The following RSPH1 variants were observed in gnomAD, a reference collection of about 807,000 sequenced individuals.
The protein encoded by RSPH1 is radial spoke head component 1.
RSPH1 carries 32 observed loss-of-function variants against 44.2 expected under a neutral mutation model. The observed-to-expected ratio is 0.72, with a 90% CI of 0.55 to 0.97. The LOEUF (loss-of-function observed/expected upper bound fraction) is 0.97. RSPH1 is among the 50% of genes least tolerant of loss of function. RSPH1 has a pLI of 0.00. For missense variants in RSPH1, 391 were observed against 398.7 expected (o/e 0.98, Z 0.16); for synonymous variants, 134 against 147.3 (o/e 0.91, Z 0.65).
rs1057203196 is a variant in RSPH1, at chr21:42,472,731, G to A, written c.*87C>T. The A allele has an allele frequency of 3.0e-6, 3 of 1,010,564 alleles. No individual in the cohort carries two copies. In the South Asian group the frequency reaches 4.4e-5, roughly 15 times the overall value. The allele number at this position is 1,010,564 out of a possible 1,614,324, so 62.6% of individuals were successfully genotyped here. A position where few individuals can be genotyped will look rare whatever the true frequency, so the allele number is the denominator to read the frequency against. ...CAATCCTCCTGCCTCAGCCTCTCAA[G>A]TAGCTGGAACTAGATACACACAGCA... is the stretch of plus-strand genomic sequence containing the variant. On this transcript the variant is annotated 3_prime_UTR_variant, in exon 9 of 9. Transcript: ENST00000291536.
At chr21:42,475,830 G>T in intron 8 of RSPH1, 68 bp downstream of exon 8, 1 of 1,556,048 alleles carries the variant, frequency 6.4e-7, no homozygotes. Context: ...GTGAAGGGAA[G>T]GGGAATCCCA....
intron 5 of RSPH1, chr21:42,485,275 CA>C: frequency 5.6e-6 from 1 of 178,662 alleles, no homozygotes; most frequent in Admixed American, 5.6e-5. Context: ...AGGGATGTCG[CA>C]CCTCCCCTTC....
At chr21:42,492,697 T>A in intron 3 of RSPH1, 61 bp downstream of exon 3, 1 of 937,716 alleles carries the variant, frequency 1.1e-6, no homozygotes, top group South Asian at 1.4e-5. Context: ...ACAGACAAGT[T>A]CAGTCATAAA....
chr21:42,475,952 G>A lies in RSPH1; in HGVS notation c.823C>T (p.Arg275Trp), dbSNP rs370547442. The change falls in exon 8 of 9, where the codon CGG becomes TGG. Residue 275 changes from arginine (R) to tryptophan (W), a missense_variant. Physicochemically the swap from Arg to Trp is moderately radical, Grantham distance 101 (BLOSUM62 -3). Coordinates refer to ENST00000291536, the MANE Select transcript of RSPH1 (RefSeq NM_080860.4). ...RPGDEDADVL[R>W]EESREYDQEE... is the part of the protein sequence containing the mutation. Reference sequence around the variant, plus strand: ...TGGTCATACTCCCGGCTCTCTTCCCGGAGGACGTCTGCATCTTCATCTCCA... The same window carrying A: ...TGGTCATACTCCCGGCTCTCTTCCCAGAGGACGTCTGCATCTTCATCTCCA... 5.3e-5 allele frequency: 85 copies of A among 1,611,712 alleles called. 1 individual carries two copies. The highest frequency in any genetic ancestry group is 1.7e-4 in the South Asian group (15 of 90,758).
At chr21:42,480,803 C>T (rs760675754) in intron 6 of RSPH1, among the ~76,000 whole-genome samples, 3 of 152,202 alleles carry the variant, frequency 2.0e-5, no homozygotes, top group South Asian at 2.1e-4. Flanking sequence ...AGAGCAGGTG[C>T]GGGACAGGCC....
intron 6 of RSPH1, among the ~76,000 whole-genome samples, chr21:42,481,898 A>G (rs2054131192): frequency 6.6e-6 from 1 of 152,212 alleles, no homozygotes; most frequent in Non-Finnish European, 1.5e-5. Flanking sequence ...AATGTTAGAT[A>G]TTGGAAAGGA....
At chr21:42,476,448 A>G (rs965985962) in intron 7 of RSPH1, among the ~76,000 whole-genome samples, 3 of 152,110 alleles carry the variant, frequency 2.0e-5, no homozygotes, top group Non-Finnish European at 2.9e-5. Context: ...GAGCCAAGAA[A>G]TTCTTAGCAG....
At position 42,475,911 on chromosome 21, in the gene RSPH1, A is replaced by C. The variant is rs765637386; in HGVS notation, c.864T>G (p.Tyr288Ter). The C allele has an allele frequency of 7.5e-6, 12 of 1,610,188 alleles. No homozygotes were observed. Among genetic ancestry groups the C allele is most frequent in the Non-Finnish European group, 1.0e-5 (12 of 1,179,210 alleles). ...CAGGGACCTCACCCTCATCCATGTC[A>C]TAGCGGAACTCCTCCTGGTCATACT... ...SREYDQEEFR[Y>*]DMDEGNINSE... Residue 288 changes from tyrosine (Y) to a stop codon, truncating the protein, a stop_gained, in exon 8 of 9, where the codon TAT (tyrosine) becomes TAG (stop). Coordinates refer to ENST00000291536, the MANE Select transcript of RSPH1 (RefSeq NM_080860.4). LOFTEE classifies it low-confidence loss of function (END_TRUNC).
At chr21:42,476,221 A>G (rs2054048035) in intron 7 of RSPH1, among the ~76,000 whole-genome samples, 174 bp from the exon 8 acceptor site, 1 of 150,602 alleles carries the variant, frequency 6.6e-6, no homozygotes, top group Admixed American at 6.6e-5. Flanking sequence ...TGGCCAGGGG[A>G]GCAGCCCAGT....
At chr21:42,476,722 A>C (rs1381426397) in intron 7 of RSPH1, among the ~76,000 whole-genome samples, 1 of 152,020 alleles carries the variant, frequency 6.6e-6, no homozygotes, top group East Asian at 1.9e-4. Context: ...GAGACGCCAC[A>C]GTGCTCCCCA....
chr21:42,478,705 A>C (rs553708121), intron 6 of RSPH1, among the ~76,000 whole-genome samples: 15 of 152,360 alleles, frequency 9.8e-5, no homozygotes, highest in Admixed American at 5.9e-4. Flanking sequence ...GTATATAACC[A>C]AAGGAACTGA....
At position 42,475,944 on chromosome 21, in the gene RSPH1, C is replaced by G. The variant is rs1447434108; in HGVS notation, c.831G>C (p.Glu277Asp). Residue 277 changes from glutamate to aspartate, a missense_variant, in exon 8 of 9, where the codon GAG becomes GAC. By Grantham distance (45) the Glu-to-Asp change is conservative (BLOSUM62 2). Coordinates refer to ENST00000291536, the MANE Select transcript of RSPH1 (RefSeq NM_080860.4). ...GDEDADVLRE[E>D]SREYDQEEFR... ...ACTCCTCCTGGTCATACTCCCGGCTCTCTTCCCGGAGGACGTCTGCATCTT... is the reference window on the plus strand; with the variant it reads ...ACTCCTCCTGGTCATACTCCCGGCTGTCTTCCCGGAGGACGTCTGCATCTT... The G allele has an allele frequency of 1.2e-6, 2 of 1,612,178 alleles. No individual in the cohort carries two copies. The highest frequency in any genetic ancestry group is 1.1e-5 in the South Asian group (1 of 90,770).
At chr21:42,491,710 A>T (rs1325292764) in intron 3 of RSPH1, among the ~76,000 whole-genome samples, 1 of 152,240 alleles carries the variant, frequency 6.6e-6, no homozygotes, top group Non-Finnish European at 1.5e-5. Context: ...GGACAGAATC[A>T]TCACTGACAT....
chr21:42,493,078 T>C lies in RSPH1; in HGVS notation c.56A>G (p.Glu19Gly). The stretch of plus-strand genomic sequence containing the variant: ...TGCCTCATTCCGACCCCCCTCATAT[T>C]CCTGGGTAATGAAAATTGACACAAT... ...LEEEGENDIG[E>G]YEGGRNEAGE... Residue 19 changes from glutamate to glycine, a missense_variant and splice_region_variant, in exon 2 of 9, where the codon GAA (glutamate) becomes GGA (glycine). By Grantham distance (98) the Glu-to-Gly change is moderately conservative. Coordinates refer to ENST00000291536, the MANE Select transcript of RSPH1 (RefSeq NM_080860.4). 2 of 1,612,600 alleles carry C rather than the reference T, an allele frequency of 1.2e-6. No homozygotes were observed. Among genetic ancestry groups the C allele is most frequent in the Non-Finnish European group, 1.7e-6 (2 of 1,179,142 alleles).
At chr21:42,486,639 C>CGACCAAG (rs1279937425) in intron 3 of RSPH1, among the ~76,000 whole-genome samples, 178 bp from the exon 4 acceptor site, 1 of 152,182 alleles carries the variant, frequency 6.6e-6, no homozygotes, top group Non-Finnish European at 1.5e-5. Flanking sequence ...TTAACAGCAC[C>CGACCAAG]GACCAAGGCT....
chr21:42,477,591 A>G, intron 6 of RSPH1, 147 bp from the exon 7 acceptor site: 1 of 740,116 alleles, frequency 1.4e-6, no homozygotes, highest in South Asian at 1.7e-5. Flanking sequence ...GAATCAGACC[A>G]GTTGCTGACT....
At chr21:42,476,191 C>T (rs1190997808) in intron 7 of RSPH1, 144 bp from the exon 8 acceptor site, 6 of 784,966 alleles carry the variant, frequency 7.6e-6, no homozygotes, top group Middle Eastern at 2.7e-4. Flanking sequence ...TCTCAACATC[C>T]ACCCAGCCCA....
chr21:42,480,812 C>T (rs1244001202), intron 6 of RSPH1, among the ~76,000 whole-genome samples: 1 of 152,080 alleles, frequency 6.6e-6, no homozygotes, highest in Non-Finnish European at 1.5e-5. Context: ...GCGGGACAGG[C>T]CCTCATGCAC....
chr21:42,485,388 C>T (rs1375544360), intron 5 of RSPH1: 2 of 432,614 alleles, frequency 4.6e-6, no homozygotes, highest in Non-Finnish European at 4.2e-6. Flanking sequence ...GGTTCAGATG[C>T]CCTCTCGTGT....
Sources: gnomAD v4.1 joint callset for allele counts (sites outside exome capture counted in the v4.1 genomes callset) on GRCh38, gnomAD v4.1.1 for gene constraint, MANE v1.5 for transcripts, NCBI Gene and HGNC (gene_info 2026-07-23, HGNC 2026-07-21) for gene names.